Variants in FAM107B observed in about 807,000 individuals in gnomAD.
The protein encoded by FAM107B is family with sequence similarity 107 member B.
Under a neutral mutation model 31.5 loss-of-function variants are expected in FAM107B, and 21 were observed. The observed-to-expected ratio is 0.67, with a 90% CI of 0.47 to 0.96. The LOEUF (loss-of-function observed/expected upper bound fraction) is 0.96. FAM107B is among the 40% of genes least tolerant of loss of function. The probability of loss-of-function intolerance (pLI) is 0.00; values close to 1 mark genes in which losing one functional copy is unlikely to be tolerated. For synonymous variants in FAM107B, 157 were observed against 141.5 expected (o/e 1.11, Z -0.78); for missense variants, 452 against 377.1 (o/e 1.20, Z -1.64).
intron 1 of FAM107B, among the ~76,000 whole-genome samples, chr10:14,686,286 G>A (rs780966735): frequency 1.3e-5 from 2 of 152,058 alleles, no homozygotes; most frequent in Non-Finnish European, 2.9e-5. Context: ...CTACTCAGGA[G>A]GCTGAGGTAG....
intron 2 of FAM107B, among the ~76,000 whole-genome samples, chr10:14,628,362 C>A (rs1177541768): frequency 1.3e-5 from 2 of 152,068 alleles, no homozygotes; most frequent in Admixed American, 6.6e-5. Flanking sequence ...AGGTGATCCA[C>A]CTGCCTTGAT....
chr10:14,618,607 C>T (rs1001540075), intron 2 of FAM107B, among the ~76,000 whole-genome samples: 3 of 152,140 alleles, frequency 2.0e-5, no homozygotes, highest in East Asian at 1.9e-4. Context: ...GAGGCCAAGG[C>T]AGGTGGATCA....
intron 1 of FAM107B, among the ~76,000 whole-genome samples, chr10:14,685,555 C>A (rs945196685): frequency 2.0e-5 from 3 of 152,154 alleles, no homozygotes; most frequent in African/African-American, 7.2e-5. Context: ...TTAGGGTGCC[C>A]TTCTCGTGAG....
chr10:14,767,043 TATATATATATATAGAGAG>T (rs1445445789), intron 1 of FAM107B, among the ~76,000 whole-genome samples: 156 of 37,932 alleles, frequency 4.1e-3, no homozygotes, highest in East Asian at 0.012. Context: ...TATATATATA[TATATATATATATAGAGAG>T]AGAGAGAGAG....
At chr10:14,605,373 T>C (rs750680563) in intron 2 of FAM107B, among the ~76,000 whole-genome samples, 12 of 152,214 alleles carry the variant, frequency 7.9e-5, no homozygotes, top group African/African-American at 1.2e-4. Context: ...GAAACAGTTA[T>C]CGGTTTCAGC....
rs1392600953 is a variant in FAM107B, at chr10:14,521,045, T to A, written c.*145A>T. ...GTCACAGGCAAGGCATCCACCCAGA[T>A]CGTAGGAAAATCAAACCAAATCCTA... is the stretch of plus-strand genomic sequence containing the variant. On this transcript the variant is annotated 3_prime_UTR_variant, in exon 5 of 5. Coordinates refer to ENST00000181796, the MANE Select transcript of FAM107B (RefSeq NM_031453.4). 9 of 683,430 alleles carry A rather than the reference T, an allele frequency of 1.3e-5. No individual in the cohort carries two copies. The East Asian group carries it at 2.4e-4, about 18-fold the overall frequency. 42.3% of individuals were successfully genotyped at this position (683,430 alleles called of 1,614,324 possible).
intron 1 of FAM107B, among the ~76,000 whole-genome samples, chr10:14,741,234 G>T (rs548754325): frequency 1.3e-5 from 2 of 152,134 alleles, no homozygotes; most frequent in Admixed American, 6.5e-5. Context: ...TGAGCAGATT[G>T]TCAAGACAAT....
At chr10:14,696,240 G>T (rs1855262633) in intron 1 of FAM107B, among the ~76,000 whole-genome samples, 1 of 152,334 alleles carries the variant, frequency 6.6e-6, no homozygotes, top group African/African-American at 2.4e-5. Flanking sequence ...AGGTAACCAT[G>T]TGGCCATGTG....
chr10:14,717,715 C>T (rs1000295122), intron 1 of FAM107B, among the ~76,000 whole-genome samples: 20 of 151,012 alleles, frequency 1.3e-4, no homozygotes, highest in African/African-American at 2.2e-4. Context: ...TTCTCCCAGT[C>T]GACAGACTCA....
intron 2 of FAM107B, among the ~76,000 whole-genome samples, chr10:14,570,592 A>G (rs1851131617): frequency 6.6e-6 from 1 of 152,200 alleles, no homozygotes; most frequent in African/African-American, 2.4e-5. Flanking sequence ...GCTTGTGGTC[A>G]GGAGTTCAAG....
intron 2 of FAM107B, among the ~76,000 whole-genome samples, chr10:14,598,715 A>G (rs545478103): frequency 1.4e-4 from 22 of 152,360 alleles, no homozygotes; most frequent in South Asian, 6.2e-4. Flanking sequence ...CTCTTATCGC[A>G]GTAACATTTT....
intron 2 of FAM107B, among the ~76,000 whole-genome samples, chr10:14,596,682 A>G (rs1852199038): frequency 6.6e-6 from 1 of 152,124 alleles, no homozygotes; most frequent in Non-Finnish European, 1.5e-5. Context: ...CTCCCATTCC[A>G]TGGGCACAGA....
intron 1 of FAM107B, among the ~76,000 whole-genome samples, chr10:14,691,870 A>T (rs1564627434): frequency 3.5e-5 from 5 of 144,240 alleles, no homozygotes; most frequent in African/African-American, 7.8e-5. Flanking sequence ...AGCCAGCCTG[A>T]GCTACAGAGT....
At chr10:14,758,576 C>G (rs929438640) in intron 1 of FAM107B, among the ~76,000 whole-genome samples, 2 of 152,122 alleles carry the variant, frequency 1.3e-5, no homozygotes, top group Non-Finnish European at 2.9e-5. Context: ...CCAAGAGCAG[C>G]GCAGGGCCTG....
intron 2 of FAM107B, among the ~76,000 whole-genome samples, chr10:14,541,858 T>C (rs1848237999): frequency 6.6e-6 from 1 of 152,190 alleles, no homozygotes; most frequent in African/African-American, 2.4e-5. Context: ...TGCCGACTCC[T>C]TGTGCCTCTG....
At chr10:14,574,454 A>C (rs1851402151) in intron 2 of FAM107B, among the ~76,000 whole-genome samples, 1 of 152,238 alleles carries the variant, frequency 6.6e-6, no homozygotes, top group Non-Finnish European at 1.5e-5. Context: ...GCTCCCACAT[A>C]CACTTGCAGA....
intron 1 of FAM107B, among the ~76,000 whole-genome samples, chr10:14,725,587 A>G (rs1057370483): frequency 1.3e-5 from 2 of 149,256 alleles, no homozygotes; most frequent in African/African-American, 2.5e-5. Context: ...GTATCCTCAC[A>G]TGGTAGGGGG....
At chr10:14,627,252 T>C (rs1345108882) in intron 2 of FAM107B, among the ~76,000 whole-genome samples, 1 of 152,242 alleles carries the variant, frequency 6.6e-6, no homozygotes, top group African/African-American at 2.4e-5. Context: ...GCAATCTGAT[T>C]CTACCAAAAC....
intron 2 of FAM107B, among the ~76,000 whole-genome samples, chr10:14,599,500 G>C (rs900767070): frequency 1.3e-5 from 2 of 152,170 alleles, no homozygotes; most frequent in Non-Finnish European, 2.9e-5. Context: ...ATTCACGTGT[G>C]CTTAACTCAC....
Sources: allele counts gnomAD v4.1 joint callset (sites outside exome capture counted in the v4.1 genomes callset), GRCh38; gene constraint gnomAD v4.1.1; transcripts MANE v1.5; gene names NCBI Gene and HGNC (gene_info 2026-07-23, HGNC 2026-07-21).